NR5A2: variants seen among roughly 807,000 people sequenced by gnomAD.
The protein encoded by NR5A2 is nuclear receptor subfamily 5 group A member 2.
NR5A2 carries 26 observed loss-of-function variants against 62.7 expected under a neutral mutation model. The observed-to-expected ratio is 0.41, with a 90% CI of 0.30 to 0.58. NR5A2 has a LOEUF of 0.58. Among genes scored for constraint, NR5A2 ranks in the 20% least tolerant of loss-of-function variants. The pLI, the probability that NR5A2 is intolerant of heterozygous loss-of-function variation, is 0.22. For synonymous variants in NR5A2, 246 were observed against 241.7 expected, an observed-to-expected ratio of 1.02 and a Z score of -0.16; for missense variants, 541 against 669.1, an observed-to-expected ratio of 0.81 and a Z score of 2.11.
chr1:200,088,140 A>C (rs554314579), intron 5 of NR5A2, among the ~76,000 whole-genome samples: 1 of 151,532 alleles, frequency 6.6e-6, no homozygotes, highest in Admixed American at 6.6e-5. Context: ...CCTAGCCTCA[A>C]GCAGTCCTCC....
intron 6 of NR5A2, among the ~76,000 whole-genome samples, chr1:200,119,701 A>G (rs964753789): frequency 6.6e-6 from 1 of 152,018 alleles, no homozygotes; most frequent in African/African-American, 2.4e-5. Context: ...ATCTTGGCTC[A>G]CTGCAACCTC....
At chr1:200,074,533 C>T (rs1054832364) in intron 5 of NR5A2, among the ~76,000 whole-genome samples, 1 of 151,552 alleles carries the variant, frequency 6.6e-6, no homozygotes, top group Non-Finnish European at 1.5e-5. Flanking sequence ...GTCAGGAGAT[C>T]GAGACCATCC....
At position 200,147,731 on chromosome 1, in the gene NR5A2, C is replaced by T. The variant is rs983523227; in HGVS notation, c.1379-26232C>T. 11 of 594,752 alleles carry T rather than the reference C, an allele frequency of 1.8e-5. No individual in the cohort carries two copies. The highest frequency in any genetic ancestry group is 3.5e-5 in the Non-Finnish European group (11 of 315,464). The allele number at this position is 594,752 out of a possible 1,614,324, so 36.8% of individuals were successfully genotyped here. ...TCCAGCTCCTCCCTGAGCGCCTCTC[C>T]CACGTCCACGGTGAAGACGCGGATG... On this transcript the variant is annotated intron_variant, in intron 7 of 7. Transcript: ENST00000367362. The surrounding 1 kb of genome is among the most constrained non-coding windows in gnomAD (Gnocchi z 4.9).
chr1:200,105,300 T>C (rs1665594458), intron 5 of NR5A2, among the ~76,000 whole-genome samples: 1 of 151,994 alleles, frequency 6.6e-6, no homozygotes. Flanking sequence ...TCCAAGAGCA[T>C]TCTAACAGGA....
intron 5 of NR5A2, among the ~76,000 whole-genome samples, chr1:200,103,349 T>C (rs966213920): frequency 6.6e-6 from 1 of 152,100 alleles, no homozygotes; most frequent in African/African-American, 2.4e-5. Flanking sequence ...GGTCTCAAAC[T>C]CCTGACCTGA....
rs1165718871 is a variant in NR5A2, at chr1:200,039,149, A to G, written c.65-509A>G. ...TTGCGATAGTGAGCAAGAGAGAGGC[A>G]GAGAGAGATAGGGGGAAGGGGCGGA... On this transcript the variant is annotated intron_variant, in intron 1 of 7. Coordinates refer to ENST00000367362, the MANE Select transcript of NR5A2 (RefSeq NM_205860.3). The surrounding 1 kb of genome is among the most constrained non-coding windows in gnomAD (Gnocchi z 5.1). Among the ~76,000 whole-genome samples, 1 of 152,084 alleles carries G rather than the reference A, an allele frequency of 6.6e-6. No individual in the cohort carries two copies. The highest frequency in any genetic ancestry group is 2.4e-5 in the African/African-American group (1 of 41,442).
At chr1:200,057,556 G>A in intron 5 of NR5A2, 3 of 320,026 alleles carry the variant, frequency 9.4e-6, no homozygotes, top group South Asian at 4.8e-5. Context: ...TTGGCTCATG[G>A]CAACCTCCAC....
At chr1:200,142,475 C>T (rs1489733403) in intron 7 of NR5A2, among the ~76,000 whole-genome samples, 2 of 151,666 alleles carry the variant, frequency 1.3e-5, no homozygotes, top group African/African-American at 2.4e-5. Flanking sequence ...GGATTATAGG[C>T]GTGAGCCACT....
At chr1:200,050,198 A>G (rs1290464884) in intron 5 of NR5A2, among the ~76,000 whole-genome samples, 1 of 152,252 alleles carries the variant, frequency 6.6e-6, no homozygotes, top group Non-Finnish European at 1.5e-5. Context: ...TTTTTCATGA[A>G]AAAACAAACC....
chr1:200,139,342 G>T (rs1667354009), intron 7 of NR5A2, among the ~76,000 whole-genome samples: 1 of 152,020 alleles, frequency 6.6e-6, no homozygotes, highest in Non-Finnish European at 1.5e-5. Context: ...TTTATCTTTT[G>T]CTTTTCTGGA....
chr1:200,145,326 G>T (rs541042453), intron 7 of NR5A2, among the ~76,000 whole-genome samples: 96 of 152,024 alleles, frequency 6.3e-4, no homozygotes, highest in African/African-American at 2.0e-3. Flanking sequence ...ATTTTTTTTA[G>T]AACTACCAAA....
chr1:200,136,918 T>C (rs960371315), intron 7 of NR5A2, among the ~76,000 whole-genome samples: 2 of 152,166 alleles, frequency 1.3e-5, no homozygotes, highest in African/African-American at 2.4e-5. Flanking sequence ...CTGCTGAAAT[T>C]ATAGGGTATT....
rs1252840193 is a variant in NR5A2, at chr1:200,039,498, G to A, written c.65-160G>A. Among the ~76,000 whole-genome samples, 1 of 152,106 alleles carries A rather than the reference G, an allele frequency of 6.6e-6. No homozygotes were observed. The highest frequency in any genetic ancestry group is 1.5e-5 in the Non-Finnish European group (1 of 67,992). ...ACCTCCTCCTCGCAGCTTGGGGGCG[G>A]CTCCGGAGCTGCGAGACCGGACAGG... On this transcript the variant is annotated intron_variant, in intron 1 of 7. Transcript: ENST00000367362. This position sits in a 1 kb window ranked among gnomAD's most constrained non-coding sequence, Gnocchi z 5.1.
chr1:200,055,925 G>C (rs928336635), intron 5 of NR5A2, among the ~76,000 whole-genome samples: 2 of 152,124 alleles, frequency 1.3e-5, no homozygotes, highest in Non-Finnish European at 2.9e-5. Flanking sequence ...TTTTTCTTCC[G>C]CTGAAGGTAG....
chr1:200,164,704 C>T (rs1231194409), intron 7 of NR5A2, among the ~76,000 whole-genome samples: 2 of 151,248 alleles, frequency 1.3e-5, no homozygotes, highest in African/African-American at 4.9e-5. Flanking sequence ...CCAGCCACCA[C>T]ACCCGGCTAA....
At chr1:200,033,811 C>T (rs1461428143) in intron 1 of NR5A2, among the ~76,000 whole-genome samples, 9 of 152,222 alleles carry the variant, frequency 5.9e-5, no homozygotes, top group Admixed American at 2.6e-4. Flanking sequence ...GTTCCACGCC[C>T]CATGCTTGAG....
chr1:200,161,274 G>GT (rs1359431733), intron 7 of NR5A2, among the ~76,000 whole-genome samples: 1 of 152,134 alleles, frequency 6.6e-6, no homozygotes, highest in Admixed American at 6.6e-5. Flanking sequence ...TTTAAATTCT[G>GT]TTTCCTGGCT....
rs71132660 is a variant in NR5A2 at position 200,108,081 on chromosome 1, C to CGTGTGTGT, written c.1111-3094_1111-3087dup. Among the ~76,000 whole-genome samples, 186 of 146,874 alleles carry CGTGTGTGT rather than the reference C, an allele frequency of 1.3e-3. 1 individual carries two copies. The highest frequency in any genetic ancestry group is 3.5e-3 in the Middle Eastern group (1 of 288). ...TGATGAGATGGCTCTAGAAGACATA[C>CGTGTGTGT]GTGTGTGTGTGTGTGTGTGTGTGTG... On this transcript the variant is annotated intron_variant, in intron 5 of 7. Coordinates refer to ENST00000367362, the MANE Select transcript of NR5A2 (RefSeq NM_205860.3).
At chr1:200,128,786 T>G (rs1362986633) in intron 7 of NR5A2, among the ~76,000 whole-genome samples, 1 of 152,140 alleles carries the variant, frequency 6.6e-6, no homozygotes, top group East Asian at 1.9e-4. Flanking sequence ...CCTGAAGGGT[T>G]CAATCATAAC....
Sources: allele counts gnomAD v4.1 joint callset (sites outside exome capture counted in the v4.1 genomes callset), GRCh38; gene constraint gnomAD v4.1.1; non-coding constraint Gnocchi (gnomAD v3.1); transcripts MANE v1.5; gene names NCBI Gene and HGNC (gene_info 2026-07-23, HGNC 2026-07-21).